The following SIK3 variants were observed in gnomAD, a reference collection of about 807,000 sequenced individuals.
SIK3 encodes SIK family kinase 3.
SIK3 carries 28 observed loss-of-function variants against 144.2 expected under a neutral mutation model. The ratio of observed to expected loss-of-function variants is 0.19; its 90% confidence interval spans 0.14 to 0.27. The LOEUF (loss-of-function observed/expected upper bound fraction) is 0.27. Among genes scored for constraint, SIK3 ranks in the 10% least tolerant of loss-of-function variants. SIK3 has a pLI of 1.00. For synonymous variants in SIK3, 686 were observed against 676.3 expected (o/e 1.01, Z -0.22); for missense variants, 1,319 against 1,776.0 (o/e 0.74, Z 4.62).
chr11:116,952,251 A>C (rs2135378262), intron 3 of SIK3, among the ~76,000 whole-genome samples: 1 of 152,194 alleles, frequency 6.6e-6, no homozygotes, highest in South Asian at 2.1e-4. Flanking sequence ...AAAATTTAAA[A>C]ATTAGCCAGG....
intron 1 of SIK3, among the ~76,000 whole-genome samples, chr11:117,026,933 T>A (rs1020128988): frequency 7.2e-5 from 11 of 152,218 alleles, no homozygotes; most frequent in Non-Finnish European, 1.5e-4. Flanking sequence ...TTAAATGTAA[T>A]ACAAGTAAGG....
intron 1 of SIK3, among the ~76,000 whole-genome samples, chr11:117,066,818 A>G (rs1178340838): frequency 6.6e-6 from 1 of 152,172 alleles, no homozygotes; most frequent in Non-Finnish European, 1.5e-5. Context: ...ACAGGCATGC[A>G]TGAGCCACTG....
At chr11:117,095,107 C>T (rs567170405) in intron 1 of SIK3, among the ~76,000 whole-genome samples, 2 of 149,460 alleles carry the variant, frequency 1.3e-5, no homozygotes, top group Non-Finnish European at 3.0e-5. Flanking sequence ...AGCTTAACCA[C>T]GCAGTATTGG....
intron 22 of SIK3, among the ~76,000 whole-genome samples, chr11:116,848,713 CAA>C (rs1369345167): frequency 6.6e-6 from 1 of 152,156 alleles, no homozygotes; most frequent in African/African-American, 2.4e-5. Flanking sequence ...TAGGGTGACT[CAA>C]AGAAAATGCT....
chr11:116,893,815 G>C (rs1396219323), intron 6 of SIK3: 1 of 155,138 alleles, frequency 6.4e-6, no homozygotes, highest in East Asian at 1.9e-4. Context: ...ACCCTGGCCA[G>C]AGCAATACTG....
chr11:116,971,958 C>A (rs541929168), intron 1 of SIK3, among the ~76,000 whole-genome samples: 1 of 152,132 alleles, frequency 6.6e-6, no homozygotes, highest in South Asian at 2.1e-4. Flanking sequence ...CGTGGTGGCA[C>A]GCGCCTGTAA....
In SIK3 at chr11:116,917,705, G is replaced by A. The variant is rs891355250; in HGVS notation, c.616+9514C>T. On this transcript the variant is annotated intron_variant, in intron 4 of 24. Coordinates refer to ENST00000445177, the MANE Select transcript of SIK3 (RefSeq NM_001366686.3). ...GTCTGAGCGACAGGAAGGGAGGGAG[G>A]GAGGCAAGGAAGGAAAGGAGGAAGG... 2.7e-4 allele frequency among the ~76,000 whole-genome samples: 41 copies of A among 151,202 alleles called. 1 individual carries two copies. The highest frequency in any genetic ancestry group is 1.1e-3 in the Admixed American group (17 of 15,154).
chr11:116,915,991 C>A (rs1481785030), intron 4 of SIK3, among the ~76,000 whole-genome samples: 1 of 152,208 alleles, frequency 6.6e-6, no homozygotes, highest in African/African-American at 2.4e-5. Context: ...GATTTATACT[C>A]AGAGGCTCTC....
In SIK3 at chr11:116,861,869, G is replaced by A; in HGVS notation, c.2287C>T (p.Pro763Ser). 1.2e-6 allele frequency: 2 copies of A among 1,612,206 alleles called. No individual in the cohort carries two copies. Among genetic ancestry groups the A allele is most frequent in the Non-Finnish European group, 1.7e-6 (2 of 1,179,234 alleles). The change falls in exon 18 of 25, where the codon CCA (proline) becomes TCA (serine). Residue 763 changes from proline to serine, a missense_variant. Coordinates refer to ENST00000445177, the MANE Select transcript of SIK3 (RefSeq NM_001366686.3). Reference protein sequence around the residue: ...PPLQAACENQPALLTHQLQRL... With the variant: ...PPLQAACENQSALLTHQLQRL... ...TGGAGCTGATGGGTAAGGAGGGCTGGCTGATTTTCACATGCAGCCTGAAGA... is the reference window on the plus strand; with the variant it reads ...TGGAGCTGATGGGTAAGGAGGGCTGACTGATTTTCACATGCAGCCTGAAGA...
chr11:116,939,993 A>G (rs1430270500), intron 3 of SIK3, among the ~76,000 whole-genome samples: 1 of 152,218 alleles, frequency 6.6e-6, no homozygotes, highest in African/African-American at 2.4e-5. Flanking sequence ...AAAGCTAAAC[A>G]TGCCCTGGCT....
rs544506012 is a variant in SIK3, at chr11:116,968,198, A to C, written c.274-11134T>G. ...CGCTCTGTCTCCCAGACTGGAGTACAGTGGCGCCATCTCGGCTCACTGCAA... is the reference window on the plus strand; with the variant it reads ...CGCTCTGTCTCCCAGACTGGAGTACCGTGGCGCCATCTCGGCTCACTGCAA... On this transcript the variant is annotated intron_variant, in intron 1 of 24. Coordinates refer to ENST00000445177, the MANE Select transcript of SIK3 (RefSeq NM_001366686.3). Among the ~76,000 whole-genome samples the C allele has an allele frequency of 1.3e-3, 196 of 152,290 alleles. 1 individual carries two copies. The highest frequency in any genetic ancestry group is 3.3e-3 in the South Asian group (16 of 4,822).
chr11:117,050,695 AT>A (rs1471266431), intron 1 of SIK3, among the ~76,000 whole-genome samples: 2 of 152,332 alleles, frequency 1.3e-5, no homozygotes, highest in Admixed American at 6.5e-5. Context: ...CTCAAAAAAA[AT>A]AAATTAAATA....
In SIK3 at chr11:117,010,988, C is replaced by T. The variant is rs567966715; in HGVS notation, c.274-53924G>A. ...TACAAAAATCAGCTGGGTGTGATGG[C>T]GCATGCCTGTAGTCCCAGCTACTCA... On this transcript the variant is annotated intron_variant, in intron 1 of 24. Transcript: ENST00000445177. Among the ~76,000 whole-genome samples the T allele has an allele frequency of 5.8e-4, 88 of 152,158 alleles. 1 individual carries two copies. In the South Asian group the frequency reaches 7.9e-3, roughly 14 times the overall value.
intron 4 of SIK3, among the ~76,000 whole-genome samples, chr11:116,907,809 A>AT (rs779195001): frequency 9.9e-5 from 15 of 152,188 alleles, no homozygotes; most frequent in Non-Finnish European, 1.8e-4. Flanking sequence ...ATAGAAAAGA[A>AT]TGGTAGACAC....
intron 1 of SIK3, among the ~76,000 whole-genome samples, chr11:117,090,190 ATGTTATCAG>A (rs1182559609): frequency 9.2e-5 from 14 of 152,126 alleles, no homozygotes; most frequent in Admixed American, 9.2e-4. Context: ...CACCCTCTTG[ATGTTATCAG>A]TCATCCACGG....
At chr11:116,966,175 T>C (rs2135442156) in intron 1 of SIK3, among the ~76,000 whole-genome samples, 1 of 152,234 alleles carries the variant, frequency 6.6e-6, no homozygotes, top group Non-Finnish European at 1.5e-5. Context: ...GCTCATGCTG[T>C]AATCCCAGGA....
chr11:116,975,321 G>GA (rs917421254), intron 1 of SIK3, among the ~76,000 whole-genome samples: 2 of 151,850 alleles, frequency 1.3e-5, no homozygotes, highest in African/African-American at 2.4e-5. Flanking sequence ...TGTTCCGACT[G>GA]AAAAAAACCT....
intron 1 of SIK3, among the ~76,000 whole-genome samples, chr11:116,980,844 C>T (rs1056537987): frequency 5.9e-5 from 9 of 151,662 alleles, no homozygotes; most frequent in Admixed American, 5.9e-4. Context: ...GAGCAAGACC[C>T]TGTCTCGAAA....
intron 1 of SIK3, among the ~76,000 whole-genome samples, chr11:117,014,900 C>T (rs920292613): frequency 6.6e-6 from 1 of 151,946 alleles, no homozygotes; most frequent in African/African-American, 2.4e-5. Context: ...CCTGTTTCTA[C>T]TAAAAATATG....
Sources: allele counts gnomAD v4.1 joint callset (sites outside exome capture counted in the v4.1 genomes callset), GRCh38; gene constraint gnomAD v4.1.1; transcripts MANE v1.5; gene names NCBI Gene and HGNC (gene_info 2026-07-23, HGNC 2026-07-21).